The following SRBD1 variants were observed in gnomAD, a reference collection of about 807,000 sequenced individuals.
SRBD1 encodes the protein S1 RNA binding domain 1, also known as S1 RNA-binding domain-containing protein 1.
Under a neutral mutation model 115.3 loss-of-function variants are expected in SRBD1, and 88 were observed. That is an observed-to-expected ratio of 0.76 (90% CI 0.64 to 0.91). SRBD1 has a LOEUF of 0.91. Ranked by LOEUF, SRBD1 falls within the 40% of genes least tolerant of loss-of-function variation. The pLI is 0.00. For missense variants in SRBD1, 1,385 were observed against 1,177.4 expected, an observed-to-expected ratio of 1.18 and a Z score of -2.58; for synonymous variants, 509 against 407.7, an observed-to-expected ratio of 1.25 and a Z score of -2.99.
intron 16 of SRBD1, among the ~76,000 whole-genome samples, chr2:45,463,691 T>C (rs1349900639): frequency 6.6e-6 from 1 of 152,236 alleles, no homozygotes; most frequent in Non-Finnish European, 1.5e-5. Context: ...GCCAAATGGT[T>C]ATCCACATAT....
chr2:45,429,507 C>A (rs570621483), intron 16 of SRBD1, among the ~76,000 whole-genome samples: 1 of 151,938 alleles, frequency 6.6e-6, no homozygotes, highest in African/African-American at 2.4e-5. Flanking sequence ...AATTACTAAA[C>A]GTAATCCATC....
intron 9 of SRBD1, among the ~76,000 whole-genome samples, chr2:45,568,527 T>A (rs1672906987): frequency 6.6e-6 from 1 of 152,160 alleles, no homozygotes; most frequent in Non-Finnish European, 1.5e-5. Context: ...GCAGTGCTGT[T>A]TTTCAAAACT....
intron 14 of SRBD1, among the ~76,000 whole-genome samples, chr2:45,492,550 T>C (rs1670330341): frequency 6.6e-6 from 1 of 152,178 alleles, no homozygotes; most frequent in Admixed American, 6.5e-5. Flanking sequence ...ACCATTCTCC[T>C]GCCTCAGCCT....
chr2:45,551,288 G>C lies in SRBD1; in HGVS notation c.1518-6C>G, dbSNP rs747267082. The stretch of plus-strand genomic sequence containing the variant: ...CATCTGATGTTAGTTTGGCTCTTTA[G>C]AAATAGAAGAAAAGAAAAAGTTTTT... On this transcript the variant is annotated splice_polypyrimidine_tract_variant and splice_region_variant and intron_variant, in intron 11 of 20. Transcript: ENST00000263736. The C allele has an allele frequency of 3.2e-6, 5 of 1,580,636 alleles. No individual in the cohort carries two copies. Among genetic ancestry groups the C allele is most frequent in the Non-Finnish European group, 4.3e-6 (5 of 1,172,328 alleles).
At chr2:45,460,336 G>A (rs1189529270) in intron 16 of SRBD1, among the ~76,000 whole-genome samples, 4 of 152,134 alleles carry the variant, frequency 2.6e-5, no homozygotes, top group Admixed American at 2.6e-4. Context: ...TCGTAAAAGA[G>A]GTTTGGATCA....
At chr2:45,472,717 G>C (rs1669687003) in intron 16 of SRBD1, among the ~76,000 whole-genome samples, 1 of 152,160 alleles carries the variant, frequency 6.6e-6, no homozygotes, top group African/African-American at 2.4e-5. Flanking sequence ...CAGTGAATTT[G>C]TCTCATCTAA....
chr2:45,565,282 A>G, intron 9 of SRBD1, among the ~76,000 whole-genome samples: 1 of 152,226 alleles, frequency 6.6e-6, no homozygotes, highest in Non-Finnish European at 1.5e-5. Context: ...GCATAAGGAT[A>G]GACATACAAT....
intron 16 of SRBD1, among the ~76,000 whole-genome samples, chr2:45,458,176 A>G (rs2103764308): frequency 6.6e-6 from 1 of 152,180 alleles, no homozygotes; most frequent in Non-Finnish European, 1.5e-5. Context: ...TGTAGCTTTT[A>G]AGGGGATTTT....
At chr2:45,425,164 C>T (rs7574673) in intron 16 of SRBD1, among the ~76,000 whole-genome samples, 113,825 of 151,956 alleles carry the variant, frequency 0.75, 43,925 homozygotes, top group African/African-American at 0.9. Flanking sequence ...GATGTTTTTC[C>T]AATTGAAGCA....
chr2:45,599,560 G>C lies in SRBD1; in HGVS notation c.537C>G (p.Ser179=). 1 of 1,614,160 alleles carries C rather than the reference G, an allele frequency of 6.2e-7. No individual in the cohort carries two copies. Among genetic ancestry groups the C allele is most frequent in the Non-Finnish European group, 8.5e-7 (1 of 1,180,030 alleles). ...TCTCAGTCTTGATTTTCTTTAAAGC[G>C]GACTGACCAAATGTAAAGTCATCGT... ...ENDDDFTFGQ[S]ALKKIKTETY... The change falls in exon 4 of 21, where the codon TCC becomes TCG. Residue 179 remains serine, a synonymous_variant. Coordinates refer to ENST00000263736, the MANE Select transcript of SRBD1 (RefSeq NM_018079.5).
chr2:45,451,548 GA>G (rs775058631), intron 16 of SRBD1, among the ~76,000 whole-genome samples: 1 of 151,860 alleles, frequency 6.6e-6, no homozygotes, highest in Non-Finnish European at 1.5e-5. Flanking sequence ...TTTTCTTTGA[GA>G]AAATACTCTG....
In SRBD1 at chr2:45,418,328, G is replaced by A. The variant is rs545920090; in HGVS notation, c.2333+37C>T. The A allele has an allele frequency of 1.2e-5, 19 of 1,598,394 alleles. No individual in the cohort carries two copies. In the South Asian group the frequency reaches 1.9e-4, roughly 16 times the overall value. ...GATAGGTAACAGTAACAAGAGAGGA[G>A]GTTGACAATAGAATCAAAGTGTATA... On this transcript the variant is annotated intron_variant, in intron 18 of 20. Coordinates refer to ENST00000263736, the MANE Select transcript of SRBD1 (RefSeq NM_018079.5).
intron 14 of SRBD1, among the ~76,000 whole-genome samples, chr2:45,530,422 A>G (rs1671575626): frequency 6.6e-6 from 1 of 152,136 alleles, no homozygotes; most frequent in African/African-American, 2.4e-5. Context: ...AATATTTAAA[A>G]AAGAAAAAAG....
intron 14 of SRBD1, among the ~76,000 whole-genome samples, chr2:45,531,556 G>A (rs150238912): frequency 1.3e-5 from 2 of 151,586 alleles, no homozygotes; most frequent in East Asian, 3.9e-4. Flanking sequence ...AAGACGATAG[G>A]AATAGATCCA....
chr2:45,579,824 TAAAAAAAAAA>T, intron 7 of SRBD1, 41 bp downstream of exon 7: 2 of 1,332,946 alleles, frequency 1.5e-6, no homozygotes, highest in Non-Finnish European at 2.0e-6. Flanking sequence ...GTTTTTAAAT[TAAAAAAAAAA>T]AAAAAGAAAC....
In SRBD1 at chr2:45,546,850, G is replaced by A; in HGVS notation, c.1767-11C>T. On this transcript the variant is annotated splice_polypyrimidine_tract_variant and intron_variant, in intron 13 of 20. Coordinates refer to ENST00000263736, the MANE Select transcript of SRBD1 (RefSeq NM_018079.5). ...ACTACTGTGCTGCAGCTTCAAGGCA[G>A]AAACAGAATGACAAACTGAATTTCA... 6.2e-7 allele frequency: 1 copy of A among 1,612,258 alleles called. No homozygotes were observed. The highest frequency in any genetic ancestry group is 8.5e-7 in the Non-Finnish European group (1 of 1,178,398).
intron 2 of SRBD1, among the ~76,000 whole-genome samples, chr2:45,603,452 T>C (rs1266916501): frequency 1.3e-5 from 2 of 152,300 alleles, no homozygotes; most frequent in East Asian, 3.9e-4. Flanking sequence ...CTGGAATCCC[T>C]CGAGGCTTAG....
At chr2:45,547,688 G>T in intron 12 of SRBD1, 76 bp from the exon 13 acceptor site, 2 of 1,254,542 alleles carry the variant, frequency 1.6e-6, no homozygotes, top group Non-Finnish European at 1.1e-6. Flanking sequence ...TGTTAAGCAA[G>T]TTGTAACAGA....
chr2:45,487,128 G>A (rs895724845), intron 15 of SRBD1, among the ~76,000 whole-genome samples: 13 of 152,198 alleles, frequency 8.5e-5, no homozygotes, highest in African/African-American at 2.9e-4. Flanking sequence ...ACGTAAGAAC[G>A]CTTTTAGCTT....
Sources: gnomAD v4.1 joint callset for allele counts (sites outside exome capture counted in the v4.1 genomes callset) on GRCh38, gnomAD v4.1.1 for gene constraint, MANE v1.5 for transcripts, NCBI Gene and HGNC (gene_info 2026-07-23, HGNC 2026-07-21) for gene names.